HEMK2: variants seen among roughly 807,000 people sequenced by gnomAD.
The protein encoded by HEMK2 is HemK methyltransferase 2, ETF1 glutamine and histone H4 lysine, also known as methyltransferase HEMK2.
At chr21:28,601,818 G>A in the HEMK2 span, among the ~76,000 whole-genome samples, 2,698 of 152,268 alleles carry the variant, frequency 0.018, 105 homozygotes, top group African/African-American at 0.063. Flanking sequence ...TGAATGAATG[G>A]ATGTCTGAAA....
At chr21:28,749,519 C>T in the HEMK2 span, among the ~76,000 whole-genome samples, 1 of 151,600 alleles carries the variant, frequency 6.6e-6, no homozygotes, top group East Asian at 1.9e-4. Context: ...GAAGGACACA[C>T]AGCCAAAATT....
chr21:28,681,945 A>C, the HEMK2 span, among the ~76,000 whole-genome samples: 1 of 152,160 alleles, frequency 6.6e-6, no homozygotes, highest in African/African-American at 2.4e-5. Flanking sequence ...AACCATGAAA[A>C]CCCTAGAAGA....
the HEMK2 span, among the ~76,000 whole-genome samples, chr21:28,800,542 TATATC>T: frequency 6.6e-6 from 1 of 152,112 alleles, no homozygotes; most frequent in South Asian, 2.1e-4. Context: ...TAAATGTATA[TATATC>T]ATATGTATGT....
chr21:28,640,818 T>A, the HEMK2 span, among the ~76,000 whole-genome samples: 1 of 152,196 alleles, frequency 6.6e-6, no homozygotes, highest in Non-Finnish European at 1.5e-5. Flanking sequence ...TCTAGGTGCA[T>A]CCACTTCTAA....
At chr21:28,625,322 C>T in the HEMK2 span, among the ~76,000 whole-genome samples, 1 of 152,076 alleles carries the variant, frequency 6.6e-6, no homozygotes, top group Non-Finnish European at 1.5e-5. Context: ...TTAAAATAAG[C>T]CCAGTAATCA....
the HEMK2 span, among the ~76,000 whole-genome samples, chr21:28,589,405 G>T: frequency 6.6e-6 from 1 of 152,152 alleles, no homozygotes; most frequent in African/African-American, 2.4e-5. Flanking sequence ...CGCTGAGGGG[G>T]TTGGGGGAGA....
At chr21:28,653,501 T>C in the HEMK2 span, among the ~76,000 whole-genome samples, 2 of 152,174 alleles carry the variant, frequency 1.3e-5, no homozygotes, top group African/African-American at 2.4e-5. Flanking sequence ...AATACTTTTA[T>C]GACTAATGTC....
the HEMK2 span, among the ~76,000 whole-genome samples, chr21:28,657,944 T>G: frequency 1.4e-3 from 218 of 152,162 alleles, no homozygotes; most frequent in African/African-American, 5.1e-3. Context: ...GGAATAAAAT[T>G]AATTCTTAAA....
At chr21:28,709,133 C>T in the HEMK2 span, among the ~76,000 whole-genome samples, 24 of 152,278 alleles carry the variant, frequency 1.6e-4, 1 homozygote, top group Middle Eastern at 3.4e-3. Flanking sequence ...GAGGGCTCCA[C>T]CCTAGTGACC....
the HEMK2 span, among the ~76,000 whole-genome samples, chr21:28,604,275 T>C: frequency 6.6e-6 from 1 of 152,056 alleles, no homozygotes; most frequent in African/African-American, 2.4e-5. Flanking sequence ...AGTGAGGGGC[T>C]GGGGGAGGGA....
chr21:28,668,293 A>C, the HEMK2 span, among the ~76,000 whole-genome samples: 9 of 152,188 alleles, frequency 5.9e-5, no homozygotes, highest in African/African-American at 2.2e-4. Flanking sequence ...GCTGCATAAG[A>C]AGCAATACCA....
chr21:28,674,028 C>G, the HEMK2 span, among the ~76,000 whole-genome samples: 1 of 152,060 alleles, frequency 6.6e-6, no homozygotes, highest in Non-Finnish European at 1.5e-5. Context: ...GGATGAGATA[C>G]GAAGTCAGCA....
chr21:28,667,789 G>A, the HEMK2 span, among the ~76,000 whole-genome samples: 1 of 152,114 alleles, frequency 6.6e-6, no homozygotes, highest in African/African-American at 2.4e-5. Flanking sequence ...CCTAGCTGTG[G>A]GATCTGAGTT....
the HEMK2 span, among the ~76,000 whole-genome samples, chr21:28,832,691 T>C: frequency 6.6e-6 from 1 of 152,222 alleles, no homozygotes; most frequent in Non-Finnish European, 1.5e-5. Context: ...CAAATACTCA[T>C]ACTCTAAATA....
the HEMK2 span, among the ~76,000 whole-genome samples, chr21:28,698,896 C>T: frequency 6.6e-6 from 1 of 152,108 alleles, no homozygotes; most frequent in African/African-American, 2.4e-5. Flanking sequence ...GCATACCTAC[C>T]CCGACCAAAC....
At chr21:28,728,516 G>A in the HEMK2 span, among the ~76,000 whole-genome samples, 10 of 152,066 alleles carry the variant, frequency 6.6e-5, no homozygotes, top group East Asian at 5.8e-4. Flanking sequence ...GTATGTCTTC[G>A]GTAGGCAAAT....
chr21:28,637,418 A>G, the HEMK2 span, among the ~76,000 whole-genome samples: 8 of 152,090 alleles, frequency 5.3e-5, no homozygotes, highest in Admixed American at 5.2e-4. Flanking sequence ...TCATTGATAT[A>G]ACAGTGGGCA....
the HEMK2 span, among the ~76,000 whole-genome samples, chr21:28,664,125 G>C: frequency 2.0e-4 from 30 of 152,166 alleles, no homozygotes; most frequent in African/African-American, 6.7e-4. Context: ...GTTTACATTT[G>C]TCAAATCTTT....
the HEMK2 span, among the ~76,000 whole-genome samples, chr21:28,618,141 C>G: frequency 6.6e-6 from 1 of 152,134 alleles, no homozygotes; most frequent in Non-Finnish European, 1.5e-5. Context: ...CAAGAGCTAT[C>G]AAAATTAGGA....
Sources: gnomAD v4.1 joint callset for allele counts (sites outside exome capture counted in the v4.1 genomes callset) on GRCh38, gnomAD v4.1.1 for gene constraint, MANE v1.5 for transcripts, NCBI Gene and HGNC (gene_info 2026-07-23, HGNC 2026-07-21) for gene names.